The following FYB2 variants were observed in gnomAD, a reference collection of about 807,000 sequenced individuals.
The protein encoded by FYB2 is FYN binding protein 2.
FYB2 carries 103 observed loss-of-function variants against 94.1 expected under a neutral mutation model. That is an observed-to-expected ratio of 1.09 (90% CI 0.93 to 1.29). The LOEUF (loss-of-function observed/expected upper bound fraction) is 1.29. Ranked by LOEUF, FYB2 falls within the 50% of genes most tolerant of loss-of-function variation. The pLI is 0.00. For synonymous variants in FYB2, 293 were observed against 287.9 expected, an observed-to-expected ratio of 1.02 and a Z score of -0.18; for missense variants, 896 against 841.5, an observed-to-expected ratio of 1.06 and a Z score of -0.80.
At chr1:56,757,491 T>C (rs1315768291) in intron 6 of FYB2, among the ~76,000 whole-genome samples, 1 of 152,070 alleles carries the variant, frequency 6.6e-6, no homozygotes, top group African/African-American at 2.4e-5. Context: ...TGTGTTTGCC[T>C]TACTTCTCCC....
intron 15 of FYB2, among the ~76,000 whole-genome samples, chr1:56,728,383 A>T (rs1238796933): frequency 1.3e-5 from 2 of 152,100 alleles, no homozygotes; most frequent in Non-Finnish European, 2.9e-5. Flanking sequence ...TTTGTTAACT[A>T]ATTTATCAAA....
Position 56,721,426 on chromosome 1 carries a change from A to G in FYB2, c.1975-1097T>C, listed in dbSNP as rs187313187. ...GGATCATATATTACAAGATCAACCT[A>G]TACCAAATGAGATCAGAAATACAAG... On this transcript the variant is annotated intron_variant, in intron 17 of 19. Coordinates refer to ENST00000343433, the MANE Select transcript of FYB2 (RefSeq NM_001004303.5). Among the ~76,000 whole-genome samples the G allele has an allele frequency of 1.7e-3, 266 of 152,166 alleles. 1 individual carries two copies. In the Middle Eastern group the frequency reaches 0.027, roughly 16 times the overall value.
rs547999969 is a variant in FYB2, at chr1:56,728,923, C to T, written c.1794-2340G>A. ...CTAGCACAGTGCCTTGCACAAAGGA[C>T]ATGTTCAATAAATATTTGTTGAATG... is the stretch of plus-strand genomic sequence containing the variant. On this transcript the variant is annotated intron_variant, in intron 15 of 19. Transcript: ENST00000343433. Among the ~76,000 whole-genome samples the T allele has an allele frequency of 1.1e-4, 17 of 152,210 alleles. No homozygotes were observed. In the South Asian group the frequency reaches 3.3e-3, roughly 30 times the overall value.
rs1328387622 is a variant in FYB2 at position 56,788,991 on chromosome 1, GA to G, written c.900del (p.Lys302ArgfsTer6). Reference protein sequence around the residue: ...LQAFQRQPAAVPKTQGEVTVE... With the variant: ...LQAFQRQPAAXPKTQGEVTVE... ...TCCTTACCTTCCCCCTGAGTCTTGG[GA>G]ACAGCAGCTGGCTGCCTCTGAAAGG... On this transcript the variant is annotated frameshift_variant, in exon 3 of 20. Coordinates refer to ENST00000343433, the MANE Select transcript of FYB2 (RefSeq NM_001004303.5). LOFTEE classifies it high-confidence loss of function. The G allele has an allele frequency of 6.2e-7, 1 of 1,614,046 alleles. No individual in the cohort carries two copies. Among genetic ancestry groups the G allele is most frequent in the East Asian group, 2.2e-5 (1 of 44,868 alleles).
At chr1:56,727,720 G>A (rs1164417111) in intron 15 of FYB2, among the ~76,000 whole-genome samples, 2 of 152,100 alleles carry the variant, frequency 1.3e-5, no homozygotes, top group Non-Finnish European at 2.9e-5. Context: ...AAGTATACAA[G>A]GGAAAGAGGC....
chr1:56,735,967 C>A (rs184526683), intron 15 of FYB2, among the ~76,000 whole-genome samples: 1 of 152,058 alleles, frequency 6.6e-6, no homozygotes, highest in Non-Finnish European at 1.5e-5. Flanking sequence ...ATTGAATATT[C>A]CCAACACAAA....
intron 7 of FYB2, among the ~76,000 whole-genome samples, chr1:56,755,064 A>G (rs1022052105): frequency 2.0e-5 from 3 of 152,056 alleles, no homozygotes; most frequent in African/African-American, 7.2e-5. Flanking sequence ...GAGCTCATCA[A>G]CCATGCTTTT....
At chr1:56,753,988 A>G in intron 7 of FYB2, 53 bp from the exon 8 acceptor site, 1 of 1,099,514 alleles carries the variant, frequency 9.1e-7, no homozygotes, top group Non-Finnish European at 1.4e-6. Context: ...TGTTTAAATG[A>G]TAGTGTACTG....
In FYB2 at chr1:56,742,571, G is replaced by A. The variant is rs534543471; in HGVS notation, c.1544-350C>T. ...GAATTTACTAAGCATCAGGCATTGC[G>A]CTGAATGCTGGGGCAACCATGGAAA... is the stretch of plus-strand genomic sequence containing the variant. On this transcript the variant is annotated intron_variant, in intron 11 of 19. Coordinates refer to ENST00000343433, the MANE Select transcript of FYB2 (RefSeq NM_001004303.5). Among the ~76,000 whole-genome samples the A allele has an allele frequency of 2.3e-4, 35 of 152,158 alleles. No homozygotes were observed. In the South Asian group the frequency reaches 4.4e-3, roughly 19 times the overall value.
At chr1:56,723,219 A>ACACACG (rs1164566550) in intron 17 of FYB2, among the ~76,000 whole-genome samples, 5 of 150,848 alleles carry the variant, frequency 3.3e-5, no homozygotes, top group Non-Finnish European at 7.4e-5. Flanking sequence ...ACACACACAC[A>ACACACG]CACACGCACA....
At chr1:56,723,204 GACAC>G (rs57903838) in intron 17 of FYB2, among the ~76,000 whole-genome samples, 21 of 149,398 alleles carry the variant, frequency 1.4e-4, no homozygotes, top group South Asian at 2.1e-4. Flanking sequence ...AAGATTCACA[GACAC>G]ACACACACAC....
In FYB2 at chr1:56,744,063, C is replaced by T. The variant is rs375952424; in HGVS notation, c.1506G>A (p.Pro502=). ...CAAGTGAGCTAGAGTAGTTCAGCTT[C>T]GGTCTATGGGAGAAAATAACAAAGA... ...DDVEYSRKEV[P]KLNYSSSLAS... Residue 502 remains proline, a synonymous_variant, in exon 11 of 20, where the codon CCG becomes CCA. Coordinates refer to ENST00000343433, the MANE Select transcript of FYB2 (RefSeq NM_001004303.5). 8.1e-6 allele frequency: 13 copies of T among 1,612,610 alleles called. No individual in the cohort carries two copies. The highest frequency in any genetic ancestry group is 4.5e-5 in the East Asian group (2 of 44,790).
chr1:56,726,504 A>G lies in FYB2; in HGVS notation c.1873T>C (p.Ser625Pro), dbSNP rs759424291. The G allele has an allele frequency of 3.7e-6, 6 of 1,611,132 alleles. No homozygotes were observed. The highest frequency in any genetic ancestry group is 1.3e-5 in the African/African-American group (1 of 74,646). ...GTGCCTCTGTGTTCCCACCTTTCTG[A>G]TTCTTCAGCACCGTTTTTCTCTTTT... ...EKKEKNGAEESESFSPRNFFK... is the reference protein window; with the variant it reads ...EKKEKNGAEEPESFSPRNFFK... The change falls in exon 16 of 20, where the codon TCA becomes CCA. Residue 625 changes from serine (S) to proline (P), a missense_variant. Ser to Pro is a moderately conservative substitution (Grantham distance 74). Transcript: ENST00000343433.
At chr1:56,741,692 T>G (rs1360434875) in intron 12 of FYB2, among the ~76,000 whole-genome samples, 1 of 152,062 alleles carries the variant, frequency 6.6e-6, no homozygotes, top group South Asian at 2.1e-4. Flanking sequence ...AATTTTATTC[T>G]TGATAACACT....
chr1:56,799,655 C>G (rs1464454579), intron 1 of FYB2, among the ~76,000 whole-genome samples: 2 of 152,088 alleles, frequency 1.3e-5, no homozygotes, highest in African/African-American at 4.8e-5. Flanking sequence ...CAGTATTATA[C>G]CCTTTCAAAG....
rs752635822 is a variant in FYB2, at chr1:56,767,957, C to G, written c.954-19G>C. 6.0e-6 allele frequency: 9 copies of G among 1,503,278 alleles called. No homozygotes were observed. The highest frequency in any genetic ancestry group is 8.2e-6 in the Non-Finnish European group (9 of 1,101,850). 93.1% of individuals were successfully genotyped at this position (1,503,278 alleles called of 1,614,324 possible). ...GAAAAGCCTGGAGAAAAAAGGGTTA[C>G]TTAAAATGTAACATTTTTAAAAACA... On this transcript the variant is annotated intron_variant, in intron 4 of 19. Transcript: ENST00000343433.
intron 16 of FYB2, among the ~76,000 whole-genome samples, chr1:56,724,973 AGAGCCTGGCATCTCATTTGTTAAAAT>A (rs1440365328): frequency 6.6e-6 from 1 of 151,912 alleles, no homozygotes; most frequent in Non-Finnish European, 1.5e-5. Flanking sequence ...ACAGTTTCCT[AGAGCCTGGCATCTCATTTGTTAAAAT>A]GAGCCTGGCA....
At position 56,767,944 on chromosome 1, in the gene FYB2, GA is replaced by G; in HGVS notation, c.954-7del. 1.3e-6 allele frequency: 2 copies of G among 1,551,542 alleles called. No homozygotes were observed. Among genetic ancestry groups the G allele is most frequent in the Non-Finnish European group, 1.7e-6 (2 of 1,143,268 alleles). On this transcript the variant is annotated splice_region_variant and splice_polypyrimidine_tract_variant and intron_variant, in intron 4 of 19. Transcript: ENST00000343433. ...CAAATTCTGCATTGAAAAGCCTGGA[GA>G]AAAAAGGGTTACTTAAAATGTAACA...
At chr1:56,770,974 C>T (rs1459015837) in intron 4 of FYB2, among the ~76,000 whole-genome samples, 1 of 152,038 alleles carries the variant, frequency 6.6e-6, no homozygotes, top group Non-Finnish European at 1.5e-5. Context: ...GAAAATAATA[C>T]CTTATTTGGC....
Sources: allele counts gnomAD v4.1 joint callset (sites outside exome capture counted in the v4.1 genomes callset), GRCh38; gene constraint gnomAD v4.1.1; transcripts MANE v1.5; gene names NCBI Gene and HGNC (gene_info 2026-07-23, HGNC 2026-07-21).